The following SLC2A3 variants were observed in gnomAD, a reference collection of about 807,000 sequenced individuals.
SLC2A3 encodes solute carrier family 2 member 3.
Under a neutral mutation model 46.4 loss-of-function variants are expected in SLC2A3, and 21 were observed. The observed-to-expected ratio is 0.45, with a 90% CI of 0.32 to 0.65. The LOEUF is 0.65. Among genes scored for constraint, SLC2A3 ranks in the 30% least tolerant of loss-of-function variants. SLC2A3 has a pLI of 0.04. For synonymous variants in SLC2A3, 213 were observed against 239.4 expected (o/e 0.89, Z 1.02); for missense variants, 499 against 623.3 (o/e 0.80, Z 2.12).
At chr12:7,929,925 C>T in intron 5 of SLC2A3, 54 bp from the exon 6 acceptor site, 2 of 1,611,516 alleles carry the variant, frequency 1.2e-6, no homozygotes, top group Non-Finnish European at 1.7e-6. Flanking sequence ...GCCCCAAATT[C>T]ATTCTTCCTG....
At chr12:7,926,063 G>T in intron 6 of SLC2A3, 115 bp from the exon 7 acceptor site, 1 of 806,002 alleles carries the variant, frequency 1.2e-6, no homozygotes, top group Non-Finnish European at 2.1e-6. Context: ...CTAGGTTTTC[G>T]TTCAATACTA....
rs1040655475 is a variant in SLC2A3 at position 7,921,185 on chromosome 12, T to G, written c.*228A>C. 30 of 913,984 alleles carry G rather than the reference T, an allele frequency of 3.3e-5. No homozygotes were observed. Among genetic ancestry groups the G allele is most frequent in the Non-Finnish European group, 4.4e-5 (27 of 613,250 alleles). 56.6% of individuals were successfully genotyped at this position (913,984 alleles called of 1,614,324 possible). Reference sequence around the variant, plus strand: ...CAATCCCTCCTGAAATGAAGGTAGGTTCACTCGGTCTCTCCTAAGCAGAAG... The same window carrying G: ...CAATCCCTCCTGAAATGAAGGTAGGGTCACTCGGTCTCTCCTAAGCAGAAG... On this transcript the variant is annotated 3_prime_UTR_variant, in exon 10 of 10. Transcript: ENST00000075120.
At chr12:7,923,956 C>T (rs764580258) in intron 8 of SLC2A3, among the ~76,000 whole-genome samples, 4 of 151,658 alleles carry the variant, frequency 2.6e-5, no homozygotes, top group East Asian at 3.9e-4. Flanking sequence ...TTAATAGAGA[C>T]GGGGTTTCTC....
Position 7,925,952 on chromosome 12 carries a change from G to C in SLC2A3, c.862-4C>G. ...TTCCTGTTGAGTAATAGAACACCTA[G>C]GAGAAAAGAAAACATGCAGCTTTGA... On this transcript the variant is annotated splice_region_variant and splice_polypyrimidine_tract_variant and intron_variant, in intron 6 of 9. Transcript: ENST00000075120. The C allele has an allele frequency of 6.2e-7, 1 of 1,609,058 alleles. No individual in the cohort carries two copies. The highest frequency in any genetic ancestry group is 8.5e-7 in the Non-Finnish European group (1 of 1,175,556).
Position 7,929,848 on chromosome 12 carries a change from G to A in SLC2A3, c.697C>T (p.Gln233Ter). 6.2e-7 allele frequency: 1 copy of A among 1,613,800 alleles called. No homozygotes were observed. Among genetic ancestry groups the A allele is most frequent in the Non-Finnish European group, 8.5e-7 (1 of 1,179,806 alleles). ...TCCTGGATGTCTTGGGATACATCCT[G>A]GGTGCCCCACAACCGCTGGAGGACT... The part of the protein sequence containing the change: ...KQILQRLWGT[Q>*]DVSQDIQEMK... The change falls in exon 6 of 10, where the codon CAG becomes TAG. Residue 233 changes from glutamine (Q) to a stop codon, truncating the protein, a stop_gained. Coordinates refer to ENST00000075120, the MANE Select transcript of SLC2A3 (RefSeq NM_006931.3). LOFTEE classifies it high-confidence loss of function.
chr12:7,933,750 C>T, intron 2 of SLC2A3, 60 bp downstream of exon 2: 4 of 1,559,164 alleles, frequency 2.6e-6, no homozygotes, highest in Non-Finnish European at 3.5e-6. Flanking sequence ...ATTCCTGAAA[C>T]CCTACTTAAA....
intron 2 of SLC2A3, 126 bp from the exon 3 acceptor site, chr12:7,933,273 G>T (rs1946177329): frequency 1.9e-6 from 2 of 1,049,016 alleles, no homozygotes; most frequent in Non-Finnish European, 2.7e-6. Context: ...GGAAGGGGCA[G>T]ATAACGTATT....
chr12:7,926,753 A>C (rs1946099541), intron 6 of SLC2A3, among the ~76,000 whole-genome samples: 1 of 152,194 alleles, frequency 6.6e-6, no homozygotes, highest in African/African-American at 2.4e-5. Flanking sequence ...CTAATTGAAT[A>C]ACCTTATCCT....
intron 7 of SLC2A3, 195 bp downstream of exon 7, chr12:7,925,649 C>A: frequency 3.6e-6 from 2 of 558,414 alleles, no homozygotes; most frequent in South Asian, 4.2e-5. Flanking sequence ...CTTCTATACT[C>A]CCTCCTTTCC....
Position 7,935,989 on chromosome 12 carries a change from C to G in SLC2A3, c.15+31G>C, listed in dbSNP as rs778091521. 1.6e-5 allele frequency: 25 copies of G among 1,569,762 alleles called. No homozygotes were observed. In the East Asian group the frequency reaches 5.6e-4, roughly 35 times the overall value. ...CCTTTCTGAGTGTATCCCAAACAAG[C>G]AAAAATAACCAGTAATTATATCATT... On this transcript the variant is annotated intron_variant, in intron 1 of 9. Transcript: ENST00000075120.
In SLC2A3 at chr12:7,930,542, A is replaced by G; in HGVS notation, c.611T>C (p.Phe204Ser). The change falls in exon 5 of 10, where the codon TTT (phenylalanine) becomes TCT (serine). Residue 204 changes from phenylalanine to serine, a missense_variant. Physicochemically the swap from Phe to Ser is radical, Grantham distance 155 (BLOSUM62 -2). Coordinates refer to ENST00000075120, the MANE Select transcript of SLC2A3 (RefSeq NM_006931.3). ...PAILQSAALP[F>S]CPESPRFLLI... ...CAAAAATCTGGGACTTTCAGGGCAA[A>G]ATGGAAGGGCTGCACTTTGTAGGAT... is the stretch of plus-strand genomic sequence containing the variant. The G allele has an allele frequency of 2.5e-6, 4 of 1,613,916 alleles. No individual in the cohort carries two copies. The highest frequency in any genetic ancestry group is 3.4e-6 in the Non-Finnish European group (4 of 1,179,926).
chr12:7,926,311 G>C (rs1355626032), intron 6 of SLC2A3, among the ~76,000 whole-genome samples: 1 of 151,914 alleles, frequency 6.6e-6, no homozygotes, highest in Non-Finnish European at 1.5e-5. Flanking sequence ...GGCTGGTCTC[G>C]TACTCCTGAC....
intron 1 of SLC2A3, 33 bp from the exon 2 acceptor site, chr12:7,933,935 C>T: frequency 6.3e-7 from 1 of 1,587,340 alleles, no homozygotes; most frequent in South Asian, 1.1e-5. Flanking sequence ...AGAGAATAGT[C>T]CTTAAAACTT....
intron 6 of SLC2A3, among the ~76,000 whole-genome samples, chr12:7,926,503 T>C (rs1946096412): frequency 6.6e-6 from 1 of 152,128 alleles, no homozygotes; most frequent in African/African-American, 2.4e-5. Flanking sequence ...CTTCACTAAC[T>C]TACATAAAGG....
rs772266806 is a variant in SLC2A3 at position 7,922,964 on chromosome 12, A to G, written c.1129T>C (p.Phe377Leu). Reference sequence around the variant, plus strand: ...GGAATGGGGCCTGGTCCAATTTCAAAGAAGGCTACAAAGACCAAGATAGCC... The same window carrying G: ...GGAATGGGGCCTGGTCCAATTTCAAGGAAGGCTACAAAGACCAAGATAGCC... ...IGAILVFVAFFEIGPGPIPWF... is the reference protein window; with the variant it reads ...IGAILVFVAFLEIGPGPIPWF... The change falls in exon 9 of 10, where the codon TTT (phenylalanine) becomes CTT (leucine). Residue 377 changes from phenylalanine to leucine, a missense_variant. Coordinates refer to ENST00000075120, the MANE Select transcript of SLC2A3 (RefSeq NM_006931.3). 1 of 1,614,148 alleles carries G rather than the reference A, an allele frequency of 6.2e-7. No individual in the cohort carries two copies. The highest frequency in any genetic ancestry group is 8.5e-7 in the Non-Finnish European group (1 of 1,180,018).
At position 7,922,922 on chromosome 12, in the gene SLC2A3, C is replaced by G; in HGVS notation, c.1171G>C (p.Glu391Gln). 9 of 1,614,122 alleles carry G rather than the reference C, an allele frequency of 5.6e-6. No homozygotes were observed. The highest frequency in any genetic ancestry group is 7.6e-6 in the Non-Finnish European group (9 of 1,180,032). ...GGGCGGGGGCCCTGGCTGAAGAGTT[C>G]GGCCACAATAAACCAGGGAATGGGG... ...PGPIPWFIVA[E>Q]LFSQGPRPAA... Residue 391 changes from glutamate to glutamine, a missense_variant, in exon 9 of 10, where the codon GAA becomes CAA. Physicochemically the swap from Glu to Gln is conservative, Grantham distance 29. Around this residue, in one of 5 missense-constraint regions of SLC2A3, gnomAD observed 179 missense variants for 205.1 expected, o/e 0.87. Coordinates refer to ENST00000075120, the MANE Select transcript of SLC2A3 (RefSeq NM_006931.3).
Position 7,921,445 on chromosome 12 carries a change from C to T in SLC2A3, c.1459G>A (p.Glu487Lys), listed in dbSNP as rs780023625. The change falls in exon 10 of 10, where the codon GAG (glutamate) becomes AAG (lysine). Residue 487 changes from glutamate to lysine, a missense_variant. By Grantham distance (56) the Glu-to-Lys change is moderately conservative. This residue lies in a region of SLC2A3 where 179 missense variants were observed against 205.1 expected (regional missense o/e 0.87). Transcript: ENST00000075120. Reference sequence around the variant, plus strand: ...TTGGTGGTGGTCTCCTTAGCAGGCTCGATGCTGTTCATCTCCATGACGCCG... The same window carrying T: ...TTGGTGGTGGTCTCCTTAGCAGGCTTGATGCTGTTCATCTCCATGACGCCG... ...KDGVMEMNSI[E>K]PAKETTTNV The T allele has an allele frequency of 1.4e-5, 23 of 1,613,838 alleles. No homozygotes were observed. The highest frequency in any genetic ancestry group is 4.5e-5 in the East Asian group (2 of 44,888).
At chr12:7,931,832 G>C (rs1278892337) in intron 3 of SLC2A3, among the ~76,000 whole-genome samples, 4 of 150,810 alleles carry the variant, frequency 2.7e-5, no homozygotes, top group African/African-American at 9.7e-5. Context: ...TTGCTTTACC[G>C]ATTTTTAAAT....
chr12:7,928,378 A>G (rs1946116888), intron 6 of SLC2A3, among the ~76,000 whole-genome samples: 1 of 151,584 alleles, frequency 6.6e-6, no homozygotes, highest in Non-Finnish European at 1.5e-5. Context: ...AGCCTGGGCG[A>G]TCGAGTGAGA....
Sources: gnomAD v4.1 joint callset for allele counts (sites outside exome capture counted in the v4.1 genomes callset) on GRCh38, gnomAD v4.1.1 for gene constraint, gnomAD v4.1.1 regional missense constraint, MANE v1.5 for transcripts, NCBI Gene and HGNC (gene_info 2026-07-23, HGNC 2026-07-21) for gene names.